BRSK2: variants seen among roughly 807,000 people sequenced by gnomAD.
BRSK2 encodes serine/threonine-protein kinase BRSK2.
BRSK2 carries 19 observed loss-of-function variants against 83.3 expected under a neutral mutation model. That is an observed-to-expected ratio of 0.23 (90% CI 0.16 to 0.33). The LOEUF (loss-of-function observed/expected upper bound fraction) is 0.33. BRSK2 is among the 10% of genes least tolerant of loss of function. The pLI, the probability that BRSK2 is intolerant of heterozygous loss-of-function variation, is 1.00. For missense variants in BRSK2, 798 were observed against 1,042.3 expected (o/e 0.77, Z 3.23); for synonymous variants, 519 against 435.4 (o/e 1.19, Z -2.39).
intron 15 of BRSK2, among the ~76,000 whole-genome samples, chr11:1,451,781 A>G (rs1309115413): frequency 6.6e-6 from 1 of 152,052 alleles, no homozygotes; most frequent in Non-Finnish European, 1.5e-5. Context: ...GTTAAGAACA[A>G]AGGGGCAGCA....
chr11:1,436,443 C>T (rs1850309129), intron 2 of BRSK2, among the ~76,000 whole-genome samples: 1 of 152,174 alleles, frequency 6.6e-6, no homozygotes, highest in South Asian at 2.1e-4. Context: ...CTTCAGTGTT[C>T]CCAGCTAGAA....
intron 9 of BRSK2, 38 bp from the exon 10 acceptor site, chr11:1,445,256 C>A (rs370085497): frequency 3.2e-6 from 5 of 1,575,404 alleles, no homozygotes; most frequent in South Asian, 1.2e-5. Flanking sequence ...CAGGCCCGGC[C>A]GGAGCTGATG....
Position 1,454,740 on chromosome 11 carries a change from C to A in BRSK2, c.1668+132C>A. 1 of 1,217,472 alleles carries A rather than the reference C, an allele frequency of 8.2e-7. No individual in the cohort carries two copies. Among genetic ancestry groups the A allele is most frequent in the Non-Finnish European group, 1.1e-6 (1 of 885,870 alleles). The allele number at this position is 1,217,472 out of a possible 1,614,324, so 75.4% of individuals were successfully genotyped here. A position where few individuals can be genotyped will look rare whatever the true frequency, so the allele number is the denominator to read the frequency against. ...GCACGGACGTCCGCTCACCCGTGGG[C>A]CTGCCTGGCCGCCTTCACTGGACAG... On this transcript the variant is annotated intron_variant, in intron 16 of 19. Transcript: ENST00000528841. This position sits in a 1 kb window ranked among gnomAD's most constrained non-coding sequence, Gnocchi z 5.2.
At chr11:1,428,218 G>A (rs1310683089) in intron 1 of BRSK2, among the ~76,000 whole-genome samples, 1 of 152,278 alleles carries the variant, frequency 6.6e-6, no homozygotes, top group South Asian at 2.1e-4. Flanking sequence ...CCTGAGCATA[G>A]GCAGGAGGCT....
Position 1,438,879 on chromosome 11 carries a change from C to T in BRSK2, c.272+488C>T, listed in dbSNP as rs181799231. Reference sequence around the variant, plus strand: ...TGGCTGAAAGTGTCACCTCCGCAGCCGCTGAGGCCAGCAGAAATCCCTACC... The same window carrying T: ...TGGCTGAAAGTGTCACCTCCGCAGCTGCTGAGGCCAGCAGAAATCCCTACC... On this transcript the variant is annotated intron_variant, in intron 3 of 19. Transcript: ENST00000528841. This position sits in a 1 kb window ranked among gnomAD's most constrained non-coding sequence, Gnocchi z 6.4. Among the ~76,000 whole-genome samples the T allele has an allele frequency of 1.4e-4, 21 of 152,286 alleles. No homozygotes were observed. In the South Asian group the frequency reaches 1.7e-3, roughly 12 times the overall value.
At chr11:1,455,113 C>T (rs553251530) in intron 16 of BRSK2, among the ~76,000 whole-genome samples, 3 of 152,248 alleles carry the variant, frequency 2.0e-5, no homozygotes, top group East Asian at 1.9e-4. Context: ...TGGTCGCGCT[C>T]GGGGTCTTGG....
Position 1,454,037 on chromosome 11 carries a change from AGAAGCGCCTCCCCACTCTCCTGTTG to A in BRSK2, c.1545-441_1545-417del. On this transcript the variant is annotated intron_variant, in intron 15 of 19. Coordinates refer to ENST00000528841, the MANE Select transcript of BRSK2 (RefSeq NM_001256627.2). This position sits in a 1 kb window ranked among gnomAD's most constrained non-coding sequence, Gnocchi z 5.2. ...GACAGGAGTAGCCTTCTGTGGCCTCAGAAGCGCCTCCCCACTCTCCTGTTGGAAGCGAGTTGCAGGCCCCGCCTGC... is the reference window on the plus strand; with the variant it reads ...GACAGGAGTAGCCTTCTGTGGCCTCAGAAGCGAGTTGCAGGCCCCGCCTGC... The A allele has an allele frequency of 6.4e-6, 1 of 157,012 alleles. No homozygotes were observed. Among genetic ancestry groups the A allele is most frequent in the Non-Finnish European group, 1.4e-5 (1 of 70,984 alleles). 9.7% of individuals were successfully genotyped at this position (157,012 alleles called of 1,614,324 possible). A position where few individuals can be genotyped will look rare whatever the true frequency, so the allele number is the denominator to read the frequency against.
Position 1,460,844 on chromosome 11 carries a change from T to G in BRSK2, c.*121T>G. On this transcript the variant is annotated 3_prime_UTR_variant, in exon 20 of 20. Transcript: ENST00000528841. ...GTCCGTCCAGACTGTTCTCAGAGCC[T>G]GGGAGGAAAGGAAAGGGGCGTTGGG... is the stretch of plus-strand genomic sequence containing the variant. 6.5e-7 allele frequency: 1 copy of G among 1,544,008 alleles called. No individual in the cohort carries two copies. Among genetic ancestry groups the G allele is most frequent in the Non-Finnish European group, 8.7e-7 (1 of 1,147,476 alleles).
At chr11:1,411,041 C>G (rs1847433362) in intron 1 of BRSK2, 1 of 1,061,658 alleles carries the variant, frequency 9.4e-7, no homozygotes. Flanking sequence ...CTCCCATCAC[C>G]ATGGCAACAG....
At chr11:1,407,329 CT>C (rs1322282623) in intron 1 of BRSK2, among the ~76,000 whole-genome samples, 2 of 152,168 alleles carry the variant, frequency 1.3e-5, no homozygotes, top group Non-Finnish European at 2.9e-5. Context: ...CTGCTGCCCC[CT>C]ATGCCCTCTG....
intron 15 of BRSK2, among the ~76,000 whole-genome samples, chr11:1,452,818 C>G (rs1845968907): frequency 6.6e-6 from 1 of 152,280 alleles, no homozygotes; most frequent in Admixed American, 6.5e-5. Context: ...GGACGAGGGT[C>G]CAGCACGGAT....
intron 14 of BRSK2, among the ~76,000 whole-genome samples, 180 bp downstream of exon 14, chr11:1,450,974 G>C (rs61869029): frequency 2.0e-5 from 3 of 152,114 alleles, no homozygotes; most frequent in Non-Finnish European, 4.4e-5. Flanking sequence ...CCTACCTGTC[G>C]CACAGGCTGG....
intron 1 of BRSK2, chr11:1,411,221 G>A (rs1016029151): frequency 4.8e-6 from 6 of 1,255,950 alleles, no homozygotes; most frequent in Non-Finnish European, 6.0e-6. Flanking sequence ...GCGGGTTCTG[G>A]ACGTGCTCTG....
chr11:1,413,904 G>A (rs529423818), intron 1 of BRSK2, among the ~76,000 whole-genome samples: 96 of 152,206 alleles, frequency 6.3e-4, no homozygotes, highest in South Asian at 3.5e-3. Context: ...CAGCCACAGC[G>A]CCCAGCTCTG....
At chr11:1,393,544 T>C (rs1845861998) in intron 1 of BRSK2, among the ~76,000 whole-genome samples, 1 of 152,106 alleles carries the variant, frequency 6.6e-6, no homozygotes, top group Non-Finnish European at 1.5e-5. Context: ...CACCTGGCAG[T>C]GTTCACCTGC....
intron 1 of BRSK2, among the ~76,000 whole-genome samples, chr11:1,427,676 T>A (rs909803766): frequency 6.6e-6 from 1 of 152,360 alleles, no homozygotes; most frequent in Non-Finnish European, 1.5e-5. Flanking sequence ...CTGCGTGCCT[T>A]CCCTCTCGAC....
intron 1 of BRSK2, among the ~76,000 whole-genome samples, chr11:1,415,467 AG>A (rs1848006921): frequency 6.6e-6 from 1 of 152,014 alleles, no homozygotes; most frequent in Non-Finnish European, 1.5e-5. Flanking sequence ...GTCCAGCTGG[AG>A]TGCAGCGATT....
chr11:1,450,667 G>A lies in BRSK2; in HGVS notation c.1368G>A (p.Pro456=), dbSNP rs373710927. 2.1e-4 allele frequency: 331 copies of A among 1,609,242 alleles called. 1 individual carries two copies. The highest frequency in any genetic ancestry group is 1.2e-3 in the African/African-American group (87 of 74,846). ...CTGTCCACACGCCAAAGGAGAGCCCGGCTGGCACGCCCAACCCCACGCCCC... is the reference window on the plus strand; with the variant it reads ...CTGTCCACACGCCAAAGGAGAGCCCAGCTGGCACGCCCAACCCCACGCCCC... ...GTPVHTPKES[P]AGTPNPTPPS... The change falls in exon 14 of 20, where the codon CCG becomes CCA. Residue 456 remains proline (P), a synonymous_variant. Transcript: ENST00000528841.
rs985863710 is a variant in BRSK2 at position 1,390,684 on chromosome 11, C to A, written c.91+309C>A. ...CCCGCTGCAGGTGCGCGGCCCGGGC[C>A]GCATTGTGCGCCCCAGCGACCGGGC... On this transcript the variant is annotated intron_variant, in intron 1 of 19. Coordinates refer to ENST00000528841, the MANE Select transcript of BRSK2 (RefSeq NM_001256627.2). This position sits in a 1 kb window ranked among gnomAD's most constrained non-coding sequence, Gnocchi z 6.8. 1.3e-5 allele frequency among the ~76,000 whole-genome samples: 2 copies of A among 149,818 alleles called. No individual in the cohort carries two copies. The highest frequency in any genetic ancestry group is 1.3e-4 in the Admixed American group (2 of 15,060).
Sources: gnomAD v4.1 joint callset for allele counts (sites outside exome capture counted in the v4.1 genomes callset) on GRCh38, gnomAD v4.1.1 for gene constraint, Gnocchi (gnomAD v3.1) non-coding constraint, MANE v1.5 for transcripts, NCBI Gene and HGNC (gene_info 2026-07-23, HGNC 2026-07-21) for gene names.